TMEM132D: variants seen among roughly 807,000 people sequenced by gnomAD.
TMEM132D encodes the protein transmembrane protein 132D.
Under a neutral mutation model 62.3 loss-of-function variants are expected in TMEM132D, and 21 were observed. That is an observed-to-expected ratio of 0.34 (90% CI 0.24 to 0.49). TMEM132D has a LOEUF of 0.49. TMEM132D is among the 20% of genes least tolerant of loss of function. The pLI, the probability that TMEM132D is intolerant of heterozygous loss-of-function variation, is 0.99. For synonymous variants in TMEM132D, 621 were observed against 575.6 expected (o/e 1.08, Z -1.13); for missense variants, 1,346 against 1,402.8 (o/e 0.96, Z 0.65).
intron 3 of TMEM132D, among the ~76,000 whole-genome samples, chr12:129,491,925 G>C (rs1224520447): frequency 5.0e-5 from 7 of 140,090 alleles, no homozygotes; most frequent in Admixed American, 2.8e-4. Flanking sequence ...CTGGGAAAGA[G>C]AGTGAGATTC....
intron 1 of TMEM132D, among the ~76,000 whole-genome samples, chr12:129,757,492 T>C (rs1870206883): frequency 1.3e-5 from 2 of 152,118 alleles, no homozygotes; most frequent in Non-Finnish European, 2.9e-5. Context: ...GACCCTTGCA[T>C]CTCACTGCCT....
At chr12:129,836,843 C>T (rs1336488360) in intron 1 of TMEM132D, among the ~76,000 whole-genome samples, 1 of 152,138 alleles carries the variant, frequency 6.6e-6, no homozygotes, top group Admixed American at 6.5e-5. Flanking sequence ...GTACTTATAT[C>T]TCTACAAACT....
intron 4 of TMEM132D, among the ~76,000 whole-genome samples, chr12:129,229,481 A>G (rs7302516): frequency 0.71 from 107,957 of 152,064 alleles, 38,923 homozygotes; most frequent in East Asian, 0.98. Flanking sequence ...TTTGAAACTG[A>G]GGGAGGTTTT....
At chr12:129,897,887 C>A (rs911397456) in intron 1 of TMEM132D, among the ~76,000 whole-genome samples, 10 of 152,172 alleles carry the variant, frequency 6.6e-5, no homozygotes, top group Admixed American at 5.2e-4. Flanking sequence ...CCTGACAAAC[C>A]GCCTGGTTTT....
intron 1 of TMEM132D, among the ~76,000 whole-genome samples, chr12:129,820,724 C>A (rs905806848): frequency 2.0e-5 from 3 of 152,144 alleles, no homozygotes; most frequent in Non-Finnish European, 2.9e-5. Context: ...GAGGAAAAGG[C>A]AAAATTGAAC....
intron 3 of TMEM132D, among the ~76,000 whole-genome samples, 198 bp downstream of exon 3, chr12:129,530,861 T>C (rs1876196578): frequency 6.6e-6 from 1 of 152,056 alleles, no homozygotes; most frequent in Admixed American, 6.6e-5. Flanking sequence ...GGGTTTTAAG[T>C]AGGTCTGCTG....
chr12:129,506,326 A>T (rs932946009), intron 3 of TMEM132D, among the ~76,000 whole-genome samples: 1 of 152,178 alleles, frequency 6.6e-6, no homozygotes, highest in Non-Finnish European at 1.5e-5. Flanking sequence ...TCAAAATACC[A>T]CCATCATTCT....
chr12:129,374,630 G>A (rs1350969186), intron 3 of TMEM132D, among the ~76,000 whole-genome samples: 2 of 152,086 alleles, frequency 1.3e-5, no homozygotes, highest in Non-Finnish European at 2.9e-5. Flanking sequence ...CCACCCAAGG[G>A]CTGTGCTAGA....
At chr12:129,477,234 C>T (rs1874290419) in intron 3 of TMEM132D, among the ~76,000 whole-genome samples, 1 of 152,118 alleles carries the variant, frequency 6.6e-6, no homozygotes, top group Admixed American at 6.6e-5. Flanking sequence ...AGCTGAGAAA[C>T]ACAGTCGTAA....
At chr12:129,151,428 G>C (rs1877067641) in intron 5 of TMEM132D, among the ~76,000 whole-genome samples, 1 of 152,188 alleles carries the variant, frequency 6.6e-6, no homozygotes, top group Non-Finnish European at 1.5e-5. Context: ...CAGAGAGGGG[G>C]CTGGGAGCGG....
chr12:129,844,663 G>T (rs751293281), intron 1 of TMEM132D, among the ~76,000 whole-genome samples: 6 of 152,184 alleles, frequency 3.9e-5, no homozygotes, highest in Non-Finnish European at 5.9e-5. Flanking sequence ...TTTCTTCAGT[G>T]TAAGCAGGTG....
At chr12:129,098,440 A>G (rs973113861) in intron 5 of TMEM132D, among the ~76,000 whole-genome samples, 5 of 152,192 alleles carry the variant, frequency 3.3e-5, no homozygotes, top group Non-Finnish European at 7.3e-5. Context: ...TGCAGTGACA[A>G]ATGTCCTCGT....
intron 3 of TMEM132D, among the ~76,000 whole-genome samples, chr12:129,455,367 G>T (rs1318963078): frequency 6.6e-6 from 1 of 152,138 alleles, no homozygotes; most frequent in Non-Finnish European, 1.5e-5. Flanking sequence ...TTTAATTAAG[G>T]ATAATCATAG....
At chr12:129,358,869 CA>C (rs1310531459) in intron 3 of TMEM132D, among the ~76,000 whole-genome samples, 6 of 151,510 alleles carry the variant, frequency 4.0e-5, no homozygotes, top group Admixed American at 2.6e-4. Flanking sequence ...AAAACAAAGA[CA>C]AAAAAACCCA....
At chr12:129,715,307 T>A (rs1487834545) in intron 1 of TMEM132D, among the ~76,000 whole-genome samples, 1 of 151,974 alleles carries the variant, frequency 6.6e-6, no homozygotes, top group Non-Finnish European at 1.5e-5. Flanking sequence ...GCAGCTACCT[T>A]CCCCAGGCCA....
intron 2 of TMEM132D, among the ~76,000 whole-genome samples, chr12:129,640,823 C>G (rs1239098526): frequency 6.6e-6 from 1 of 152,118 alleles, no homozygotes; most frequent in African/African-American, 2.4e-5. Flanking sequence ...CTCACATTAC[C>G]ACCTGAGCTC....
At chr12:129,872,877 G>A (rs1219530194) in intron 1 of TMEM132D, among the ~76,000 whole-genome samples, 1 of 152,180 alleles carries the variant, frequency 6.6e-6, no homozygotes, top group South Asian at 2.1e-4. Flanking sequence ...CAAGAGATTG[G>A]AAATGATGCT....
chr12:129,557,141 A>T (rs1172210582), intron 2 of TMEM132D, among the ~76,000 whole-genome samples: 2 of 152,186 alleles, frequency 1.3e-5, no homozygotes, highest in African/African-American at 4.8e-5. Context: ...ATAGCGGTTT[A>T]CTTTTTTTAG....
At chr12:129,804,233 A>AC (rs1309943050) in intron 1 of TMEM132D, among the ~76,000 whole-genome samples, 1 of 26,210 alleles carries the variant, frequency 3.8e-5, no homozygotes, top group African/African-American at 6.8e-5. Context: ...CAGAGACACA[A>AC]CAAAAAAAGA....
Sources: allele counts gnomAD v4.1 joint callset (sites outside exome capture counted in the v4.1 genomes callset), GRCh38; gene constraint gnomAD v4.1.1; transcripts MANE v1.5; gene names NCBI Gene and HGNC (gene_info 2026-07-23, HGNC 2026-07-21).